The following SLIT3 variants were observed in gnomAD, a reference collection of about 807,000 sequenced individuals.
SLIT3 encodes the protein slit guidance ligand 3, also known as slit homolog 3 protein.
Under a neutral mutation model 184.0 loss-of-function variants are expected in SLIT3, and 68 were observed. The ratio of observed to expected loss-of-function variants is 0.37; its 90% CI spans 0.30 to 0.45. The LOEUF (loss-of-function observed/expected upper bound fraction) is 0.45. SLIT3 is among the 20% of genes least tolerant of loss of function. The pLI is 1.00. For missense variants in SLIT3, 1,707 were observed against 2,026.0 expected (o/e 0.84, Z 3.02); for synonymous variants, 831 against 828.6 (o/e 1.00, Z -0.05).
chr5:168,927,766 C>T (rs1761877911), intron 4 of SLIT3, among the ~76,000 whole-genome samples: 1 of 152,220 alleles, frequency 6.6e-6, no homozygotes, highest in African/African-American at 2.4e-5. Context: ...TCACATATGT[C>T]CTTGACCATT....
At chr5:168,681,143 T>C (rs78753527) in intron 32 of SLIT3, among the ~76,000 whole-genome samples, 5,119 of 152,278 alleles carry the variant, frequency 0.034, 292 homozygotes, top group African/African-American at 0.12. Flanking sequence ...AGTGAGACAC[T>C]GTCTCCAAGA....
At chr5:168,989,712 C>T (rs944169577) in intron 4 of SLIT3, among the ~76,000 whole-genome samples, 6 of 152,144 alleles carry the variant, frequency 3.9e-5, no homozygotes, top group Non-Finnish European at 7.3e-5. Context: ...CCCATAGCCA[C>T]CCTAAAACGA....
At chr5:168,770,180 G>A (rs570528366) in intron 14 of SLIT3, among the ~76,000 whole-genome samples, 3 of 152,252 alleles carry the variant, frequency 2.0e-5, no homozygotes, top group East Asian at 1.9e-4. Flanking sequence ...TACCCCAGCC[G>A]GCAGCATCCA....
At chr5:168,697,285 C>A (rs1762091236) in intron 27 of SLIT3, among the ~76,000 whole-genome samples, 1 of 152,188 alleles carries the variant, frequency 6.6e-6, no homozygotes, top group Non-Finnish European at 1.5e-5. Flanking sequence ...CGGCAAGATG[C>A]ATTTCCTTCA....
intron 6 of SLIT3, among the ~76,000 whole-genome samples, chr5:168,838,197 A>G (rs761439708): frequency 4.6e-5 from 7 of 152,208 alleles, no homozygotes; most frequent in Non-Finnish European, 1.0e-4. Context: ...GTGCTCAGAT[A>G]TCAGGCAGAA....
chr5:168,723,683 T>A (rs574465612), intron 21 of SLIT3, among the ~76,000 whole-genome samples: 1 of 152,330 alleles, frequency 6.6e-6, no homozygotes, highest in South Asian at 2.1e-4. Flanking sequence ...GGGGGTGCAG[T>A]CCTCTGCCAG....
In SLIT3 at chr5:169,036,808, C is replaced by T. The variant is rs561104880; in HGVS notation, c.414-153472G>A. 3.3e-5 allele frequency among the ~76,000 whole-genome samples: 5 copies of T among 152,248 alleles called. No individual in the cohort carries two copies. In the South Asian group the frequency reaches 6.2e-4, roughly 19 times the overall value. On this transcript the variant is annotated intron_variant, in intron 4 of 35. Coordinates refer to ENST00000519560, the MANE Select transcript of SLIT3 (RefSeq NM_003062.4). Reference sequence around the variant, plus strand: ...TGTCAAAATGAATGCAGCTTATTGACGTTCAGAGATTTCACTCGGTATTAA... The same window carrying T: ...TGTCAAAATGAATGCAGCTTATTGATGTTCAGAGATTTCACTCGGTATTAA...
chr5:168,968,913 T>C (rs1754446775), intron 4 of SLIT3, among the ~76,000 whole-genome samples: 1 of 152,188 alleles, frequency 6.6e-6, no homozygotes, highest in Non-Finnish European at 1.5e-5. Context: ...ATGTCTACTG[T>C]GCACTGATGA....
intron 4 of SLIT3, among the ~76,000 whole-genome samples, chr5:168,990,504 T>C (rs1755282324): frequency 1.3e-5 from 2 of 152,238 alleles, no homozygotes; most frequent in Admixed American, 1.3e-4. Flanking sequence ...TCAAACTTGA[T>C]GAGAATAAAA....
chr5:169,180,715 T>C lies in SLIT3; in HGVS notation c.413+12764A>G, dbSNP rs112609236. 8.5e-3 allele frequency among the ~76,000 whole-genome samples: 1,289 copies of C among 152,350 alleles called. 16 individuals are homozygous for C. Among genetic ancestry groups the C allele is most frequent in the African/African-American group, 0.027 (1,113 of 41,588 alleles). On this transcript the variant is annotated intron_variant, in intron 4 of 35. Transcript: ENST00000519560. ...TCTGTCTTTCCCTGCTGCTTCTTTTTCTAGCCCCATTAGACCTAATGATCT... is the reference window on the plus strand; with the variant it reads ...TCTGTCTTTCCCTGCTGCTTCTTTTCCTAGCCCCATTAGACCTAATGATCT...
chr5:168,875,793 G>T (rs1759711098), intron 5 of SLIT3, among the ~76,000 whole-genome samples: 1 of 151,940 alleles, frequency 6.6e-6, no homozygotes, highest in Admixed American at 6.6e-5. Context: ...AAGAAAGGAA[G>T]GGAAAGAGAA....
At chr5:168,708,150 G>C (rs1419812695) in intron 25 of SLIT3, 50 bp from the exon 26 acceptor site, 1 of 1,613,350 alleles carries the variant, frequency 6.2e-7, no homozygotes, top group Non-Finnish European at 8.5e-7. Context: ...TGCGCTCACT[G>C]CCATACCTCC....
chr5:168,750,731 C>T (rs1228605483), intron 18 of SLIT3, among the ~76,000 whole-genome samples: 2 of 152,054 alleles, frequency 1.3e-5, no homozygotes, highest in Non-Finnish European at 2.9e-5. Flanking sequence ...CTCCTGTTGA[C>T]ATCACTCGTT....
rs374297555 is a variant in SLIT3, at chr5:168,990,000, C to T, written c.414-106664G>A. On this transcript the variant is annotated intron_variant, in intron 4 of 35. Coordinates refer to ENST00000519560, the MANE Select transcript of SLIT3 (RefSeq NM_003062.4). Reference sequence around the variant, plus strand: ...TCCAGGTTCAGCCATCAAAGTTCCACGGCCGCCTATCCTGCTATTCATGTG... The same window carrying T: ...TCCAGGTTCAGCCATCAAAGTTCCATGGCCGCCTATCCTGCTATTCATGTG... Among the ~76,000 whole-genome samples the T allele has an allele frequency of 3.2e-4, 48 of 152,330 alleles. No individual in the cohort carries two copies. In the South Asian group the frequency reaches 4.4e-3, roughly 14 times the overall value.
chr5:169,195,096 G>C (rs1051014923), intron 3 of SLIT3, among the ~76,000 whole-genome samples: 6 of 152,158 alleles, frequency 3.9e-5, no homozygotes, highest in Non-Finnish European at 8.8e-5. Context: ...CCTATTACAT[G>C]ATGTAACTAT....
rs4042723 is a variant in SLIT3 at position 169,189,527 on chromosome 5, G to GATATAT, written c.413+3946_413+3951dup. 6.7e-4 allele frequency among the ~76,000 whole-genome samples: 54 copies of GATATAT among 80,296 alleles called. 2 individuals are homozygous for GATATAT. Among genetic ancestry groups the GATATAT allele is most frequent in the Non-Finnish European group, 8.7e-4 (35 of 40,114 alleles). 52.7% of individuals were successfully genotyped at this position (80,296 alleles called of 152,430 possible). A position where few individuals can be genotyped will look rare whatever the true frequency, so the allele number is the denominator to read the frequency against. ...ACAGTACTGCTTCTTAGATAGATGG[G>GATATAT]ATATATATATATATATATATATATA... On this transcript the variant is annotated intron_variant, in intron 4 of 35. Transcript: ENST00000519560.
chr5:169,247,158 G>C (rs1765620745), intron 2 of SLIT3, among the ~76,000 whole-genome samples: 1 of 149,686 alleles, frequency 6.7e-6, no homozygotes, highest in Admixed American at 6.7e-5. Flanking sequence ...GGAGGTTGCA[G>C]TGAGCTAAGA....
At chr5:168,857,445 G>C (rs1220173866) in intron 5 of SLIT3, among the ~76,000 whole-genome samples, 2 of 152,120 alleles carry the variant, frequency 1.3e-5, no homozygotes, top group Non-Finnish European at 2.9e-5. Context: ...AAAACAGTTT[G>C]CTCAGGAATC....
At chr5:168,944,839 A>AT (rs1472566792) in intron 4 of SLIT3, among the ~76,000 whole-genome samples, 4 of 152,158 alleles carry the variant, frequency 2.6e-5, no homozygotes, top group African/African-American at 9.7e-5. Context: ...TTAATATCAA[A>AT]TGGGCCTCTC....
Sources: allele counts gnomAD v4.1 joint callset (sites outside exome capture counted in the v4.1 genomes callset), GRCh38; gene constraint gnomAD v4.1.1; transcripts MANE v1.5; gene names NCBI Gene and HGNC (gene_info 2026-07-23, HGNC 2026-07-21).